The following ILKAP variants were observed in gnomAD, a reference collection of about 807,000 sequenced individuals.
ILKAP encodes the protein integrin-linked kinase-associated serine/threonine phosphatase 2C.
Under a neutral mutation model 49.1 loss-of-function variants are expected in ILKAP, and 11 were observed. That is an observed-to-expected ratio of 0.22 (90% CI 0.14 to 0.37). The LOEUF is 0.37. Ranked by LOEUF, ILKAP falls within the 10% of genes least tolerant of loss-of-function variation. The probability of loss-of-function intolerance (pLI) is 1.00; values close to 1 mark genes in which losing one functional copy is unlikely to be tolerated. For synonymous variants in ILKAP, 186 were observed against 192.8 expected (o/e 0.96, Z 0.29); for missense variants, 363 against 510.8 (o/e 0.71, Z 2.79).
chr2:238,184,152 A>T, intron 6 of ILKAP, 39 bp from the exon 7 acceptor site: 1 of 1,110,444 alleles, frequency 9.0e-7, no homozygotes, highest in Non-Finnish European at 1.4e-6. Flanking sequence ...TCTCTCAAGG[A>T]GGGAAGATTA....
intron 4 of ILKAP, 50 bp from the exon 5 acceptor site, chr2:238,188,307 T>A: frequency 6.3e-7 from 1 of 1,592,548 alleles, no homozygotes; most frequent in Middle Eastern, 1.7e-4. Context: ...CCCAACCCTC[T>A]GGAAACCCTA....
chr2:238,187,724 G>A (rs1693963761), intron 5 of ILKAP, among the ~76,000 whole-genome samples: 1 of 152,172 alleles, frequency 6.6e-6, no homozygotes, highest in South Asian at 2.1e-4. Flanking sequence ...TTCTCTGCCA[G>A]AAGCCGCTCA....
chr2:238,175,484 C>T (rs774841510), intron 9 of ILKAP, among the ~76,000 whole-genome samples: 28 of 152,098 alleles, frequency 1.8e-4, no homozygotes, highest in Non-Finnish European at 3.5e-4. Flanking sequence ...ATGACAGATC[C>T]CAGGAAACGC....
chr2:238,180,810 C>T (rs1020188498), intron 9 of ILKAP, among the ~76,000 whole-genome samples: 4 of 152,224 alleles, frequency 2.6e-5, no homozygotes, highest in Non-Finnish European at 5.9e-5. Flanking sequence ...TTTCAGCCAT[C>T]GGACTGTCAG....
intron 1 of ILKAP, among the ~76,000 whole-genome samples, chr2:238,201,670 G>C (rs1424832667): frequency 1.3e-5 from 2 of 152,228 alleles, no homozygotes; most frequent in Non-Finnish European, 2.9e-5. Flanking sequence ...AAGGGAGCCT[G>C]CTCCTGAGCA....
At chr2:238,175,859 A>G (rs748155283) in intron 9 of ILKAP, among the ~76,000 whole-genome samples, 2 of 151,426 alleles carry the variant, frequency 1.3e-5, no homozygotes, top group Admixed American at 6.6e-5. Context: ...ATGGTGGCGC[A>G]TTATAGCTTC....
At chr2:238,177,835 G>A (rs890244429) in intron 9 of ILKAP, among the ~76,000 whole-genome samples, 1 of 152,150 alleles carries the variant, frequency 6.6e-6, no homozygotes, top group African/African-American at 2.4e-5. Context: ...GGGTATATAC[G>A]CAGAGGTGGA....
At chr2:238,176,371 T>C (rs1693457524) in intron 9 of ILKAP, among the ~76,000 whole-genome samples, 1 of 152,136 alleles carries the variant, frequency 6.6e-6, no homozygotes, top group Admixed American at 6.5e-5. Flanking sequence ...GACCTCGTGA[T>C]CCACCCGCCT....
intron 1 of ILKAP, among the ~76,000 whole-genome samples, chr2:238,197,888 C>T (rs1302132043): frequency 6.6e-6 from 1 of 152,064 alleles, no homozygotes; most frequent in East Asian, 1.9e-4. Flanking sequence ...GAGATAGGTA[C>T]TATTATTATT....
At chr2:238,202,277 G>A (rs1357907044) in intron 1 of ILKAP, among the ~76,000 whole-genome samples, 3 of 152,068 alleles carry the variant, frequency 2.0e-5, no homozygotes, top group East Asian at 1.9e-4. Flanking sequence ...TCACAAGCCT[G>A]AACATCCTTG....
chr2:238,188,232 C>T lies in ILKAP; in HGVS notation c.324G>A (p.Lys108=), dbSNP rs1264747277. ...CACCCTTCCGCTCAGCCACATAGCC[C>T]TTCAGACCAAAGATCACCGAAGAGG... is the stretch of plus-strand genomic sequence containing the variant. ...CKASSVIFGL[K]GYVAERKGER... Residue 108 remains lysine, a synonymous_variant, in exon 5 of 12, where the codon AAG becomes AAA. Coordinates refer to ENST00000254654, the MANE Select transcript of ILKAP (RefSeq NM_030768.3). 6.2e-7 allele frequency: 1 copy of T among 1,613,896 alleles called. No individual in the cohort carries two copies. Among genetic ancestry groups the T allele is most frequent in the South Asian group, 1.1e-5 (1 of 91,066 alleles).
chr2:238,199,857 C>T (rs775377772), intron 1 of ILKAP, among the ~76,000 whole-genome samples: 5 of 152,074 alleles, frequency 3.3e-5, no homozygotes, highest in African/African-American at 7.2e-5. Flanking sequence ...TCAAGCCATC[C>T]TCCTGCCTTG....
chr2:238,172,966 C>T (rs1329570780), intron 10 of ILKAP, among the ~76,000 whole-genome samples: 3 of 152,202 alleles, frequency 2.0e-5, no homozygotes, highest in Non-Finnish European at 2.9e-5. Flanking sequence ...TCAGCCAGCA[C>T]GGTGCCGTAC....
At chr2:238,199,872 C>G (rs905935599) in intron 1 of ILKAP, among the ~76,000 whole-genome samples, 3 of 152,036 alleles carry the variant, frequency 2.0e-5, no homozygotes, top group African/African-American at 7.3e-5. Flanking sequence ...GCCTTGTTCC[C>G]CCAAAGCGCT....
chr2:238,194,359 C>T lies in ILKAP; in HGVS notation c.122-28G>A, dbSNP rs1214875188. 3.7e-6 allele frequency: 6 copies of T among 1,609,606 alleles called. No individual in the cohort carries two copies. The East Asian group carries it at 8.9e-5, about 24-fold the overall frequency. On this transcript the variant is annotated intron_variant, in intron 2 of 11. Coordinates refer to ENST00000254654, the MANE Select transcript of ILKAP (RefSeq NM_030768.3). ...GAAACACAGCAGAACACTTAGTGAGCCCACAAAAAATATGTAAGACTTAAG... is the reference window on the plus strand; with the variant it reads ...GAAACACAGCAGAACACTTAGTGAGTCCACAAAAAATATGTAAGACTTAAG...
At chr2:238,200,777 T>C (rs1694535562) in intron 1 of ILKAP, among the ~76,000 whole-genome samples, 1 of 152,218 alleles carries the variant, frequency 6.6e-6, no homozygotes, top group Admixed American at 6.5e-5. Context: ...GAGCTGTGTT[T>C]ATGTCACTGC....
At chr2:238,188,829 T>G (rs1374624807) in intron 4 of ILKAP, among the ~76,000 whole-genome samples, 6 of 152,228 alleles carry the variant, frequency 3.9e-5, no homozygotes, top group Non-Finnish European at 8.8e-5. Context: ...TCATTTAAGC[T>G]TATTTTCTGA....
chr2:238,196,043 CA>C (rs71043116), intron 1 of ILKAP, among the ~76,000 whole-genome samples: 11,805 of 67,198 alleles, frequency 0.18, 372 homozygotes, highest in Middle Eastern at 0.22. Context: ...GACTCTGTCA[CA>C]AAAAAAAAAA....
chr2:238,184,393 T>C (rs969037703), intron 6 of ILKAP, among the ~76,000 whole-genome samples: 1 of 152,166 alleles, frequency 6.6e-6, no homozygotes, highest in African/African-American at 2.4e-5. Flanking sequence ...TTTCACCACA[T>C]TGGCCAGGCT....
Sources: allele counts gnomAD v4.1 joint callset (sites outside exome capture counted in the v4.1 genomes callset), GRCh38; gene constraint gnomAD v4.1.1; transcripts MANE v1.5; gene names NCBI Gene and HGNC (gene_info 2026-07-23, HGNC 2026-07-21).